The following TCF7L1 variants were observed in gnomAD, a reference collection of about 807,000 sequenced individuals.
TCF7L1 encodes transcription factor 7 like 1, also known as transcription factor 7-like 1.
A neutral mutation model predicts 63.7 loss-of-function variants in TCF7L1; 18 were observed. The ratio of observed to expected loss-of-function variants is 0.28; its 90% CI spans 0.20 to 0.42. The LOEUF is 0.42. Among genes scored for constraint, TCF7L1 ranks in the 10% least tolerant of loss-of-function variants. TCF7L1 has a pLI of 1.00. For missense variants in TCF7L1, 654 were observed against 779.3 expected (o/e 0.84, Z 1.91); for synonymous variants, 355 against 340.9 (o/e 1.04, Z -0.46).
chr2:85,233,541 C>T lies in TCF7L1; in HGVS notation c.442-49954C>T, dbSNP rs186551887. Among the ~76,000 whole-genome samples, 266 of 151,778 alleles carry T rather than the reference C, an allele frequency of 1.8e-3. 3 individuals are homozygous for T. Among genetic ancestry groups the T allele is most frequent in the African/African-American group, 5.8e-3 (239 of 41,342 alleles). ...ATGTTGGCCAGGATGGTCTCGATCT[C>T]CTGACCTCGTGATCTGCCCGCCTCA... On this transcript the variant is annotated intron_variant, in intron 3 of 11. Transcript: ENST00000282111.
At chr2:85,251,957 C>A (rs1016289852) in intron 3 of TCF7L1, among the ~76,000 whole-genome samples, 5 of 152,144 alleles carry the variant, frequency 3.3e-5, no homozygotes, top group African/African-American at 9.7e-5. Flanking sequence ...TACCTGTAAT[C>A]CTAGCCACTT....
At chr2:85,262,391 A>G (rs575108902) in intron 3 of TCF7L1, 1 of 395,732 alleles carries the variant, frequency 2.5e-6, no homozygotes, top group South Asian at 2.1e-5. Context: ...GTCTCTTAAA[A>G]GAAAAAAAAA....
chr2:85,190,072 C>A (rs559567469), intron 3 of TCF7L1, among the ~76,000 whole-genome samples: 5 of 152,292 alleles, frequency 3.3e-5, no homozygotes, highest in African/African-American at 1.2e-4. Context: ...CTCTTGGAGC[C>A]CCTGCTTAAG....
intron 3 of TCF7L1, among the ~76,000 whole-genome samples, chr2:85,157,857 C>G (rs1208183364): frequency 1.3e-5 from 2 of 152,156 alleles, no homozygotes; most frequent in East Asian, 3.9e-4. Context: ...CCTTCCCCTC[C>G]CCTCCTCTCC....
chr2:85,298,963 T>A (rs757501242), intron 4 of TCF7L1, among the ~76,000 whole-genome samples: 2 of 152,044 alleles, frequency 1.3e-5, no homozygotes. Context: ...TGCCACCTAG[T>A]GGGAAACGGT....
At chr2:85,229,161 A>G (rs1433024800) in intron 3 of TCF7L1, among the ~76,000 whole-genome samples, 4 of 152,154 alleles carry the variant, frequency 2.6e-5, no homozygotes, top group Non-Finnish European at 4.4e-5. Flanking sequence ...CCTGGCCAAC[A>G]TGGTGAAACC....
intron 3 of TCF7L1, among the ~76,000 whole-genome samples, chr2:85,190,299 G>A (rs144015067): frequency 5.9e-5 from 9 of 152,304 alleles, no homozygotes; most frequent in Middle Eastern, 3.4e-3. Context: ...GTCAAGGAGA[G>A]TAGACTTTGA....
At chr2:85,234,336 A>G (rs1680151150) in intron 3 of TCF7L1, among the ~76,000 whole-genome samples, 1 of 151,660 alleles carries the variant, frequency 6.6e-6, no homozygotes, top group African/African-American at 2.4e-5. Flanking sequence ...GGTTTTCACC[A>G]TGTTGGCCAG....
rs1344641473 is a variant in TCF7L1 at position 85,275,518 on chromosome 2, G to T, written c.442-7977G>T. On this transcript the variant is annotated intron_variant, in intron 3 of 11. Coordinates refer to ENST00000282111, the MANE Select transcript of TCF7L1 (RefSeq NM_031283.3). Reference sequence around the variant, plus strand: ...ACTTTTGAGTTTACTATTCAGTTATGAAATGCTTTTGGAGCCCCTCTGCTA... The same window carrying T: ...ACTTTTGAGTTTACTATTCAGTTATTAAATGCTTTTGGAGCCCCTCTGCTA... Among the ~76,000 whole-genome samples, 5 of 152,242 alleles carry T rather than the reference G, an allele frequency of 3.3e-5. No homozygotes were observed. The East Asian group carries it at 9.6e-4, about 29-fold the overall frequency.
chr2:85,279,478 G>C (rs1681361490), intron 3 of TCF7L1, among the ~76,000 whole-genome samples: 1 of 152,206 alleles, frequency 6.6e-6, no homozygotes, highest in Admixed American at 6.5e-5. Context: ...TAGGAATTCA[G>C]AACTACCTGG....
chr2:85,148,681 A>G (rs1041228744), intron 3 of TCF7L1, among the ~76,000 whole-genome samples: 3 of 152,102 alleles, frequency 2.0e-5, no homozygotes, highest in African/African-American at 7.2e-5. Context: ...CCAAAATAAT[A>G]TACAGTATTA....
intron 3 of TCF7L1, among the ~76,000 whole-genome samples, chr2:85,230,780 G>A (rs981958830): frequency 5.9e-5 from 9 of 152,170 alleles, no homozygotes; most frequent in African/African-American, 1.7e-4. Context: ...TTGTTATTGC[G>A]AAGAACCAGT....
At chr2:85,175,056 C>T (rs60541175) in intron 3 of TCF7L1, among the ~76,000 whole-genome samples, 5,429 of 152,290 alleles carry the variant, frequency 0.036, 327 homozygotes, top group African/African-American at 0.12. Flanking sequence ...GCACAGGCAG[C>T]GCCATGTGAC....
chr2:85,252,141 A>G (rs781221017), intron 3 of TCF7L1, among the ~76,000 whole-genome samples: 2 of 152,138 alleles, frequency 1.3e-5, no homozygotes, highest in African/African-American at 2.4e-5. Flanking sequence ...GTACAGTGAC[A>G]AGAGGGCTGG....
At chr2:85,181,511 G>A (rs1678805508) in intron 3 of TCF7L1, among the ~76,000 whole-genome samples, 1 of 152,162 alleles carries the variant, frequency 6.6e-6, no homozygotes, top group Non-Finnish European at 1.5e-5. Flanking sequence ...CTGTGTGGTG[G>A]CCAGGAGAGA....
chr2:85,236,015 G>T (rs115394448), intron 3 of TCF7L1, among the ~76,000 whole-genome samples: 1 of 152,062 alleles, frequency 6.6e-6, no homozygotes, highest in Non-Finnish European at 1.5e-5. Flanking sequence ...CAAAAAATTA[G>T]CCAGGCATGG....
chr2:85,172,574 G>A (rs1678572374), intron 3 of TCF7L1, among the ~76,000 whole-genome samples: 1 of 152,102 alleles, frequency 6.6e-6, no homozygotes, highest in Non-Finnish European at 1.5e-5. Flanking sequence ...TTATAGGCAG[G>A]TGCCACCACG....
At chr2:85,205,337 T>C (rs17026022) in intron 3 of TCF7L1, among the ~76,000 whole-genome samples, 13,236 of 152,192 alleles carry the variant, frequency 0.087, 1,049 homozygotes, top group African/African-American at 0.21. Context: ...GAGTTGAAGG[T>C]CGTGAGTGAA....
At chr2:85,163,036 ACT>A (rs1678326418) in intron 3 of TCF7L1, among the ~76,000 whole-genome samples, 1 of 151,824 alleles carries the variant, frequency 6.6e-6, no homozygotes, top group South Asian at 2.1e-4. Flanking sequence ...CACAAAATGC[ACT>A]CTCGCCGGAT....
Sources: allele counts gnomAD v4.1 joint callset (sites outside exome capture counted in the v4.1 genomes callset), GRCh38; gene constraint gnomAD v4.1.1; transcripts MANE v1.5; gene names NCBI Gene and HGNC (gene_info 2026-07-23, HGNC 2026-07-21).